PSD3: variants seen among roughly 807,000 people sequenced by gnomAD.
The protein encoded by PSD3 is pleckstrin and Sec7 domain containing 3.
PSD3 carries 49 observed loss-of-function variants against 105.5 expected under a neutral mutation model. The ratio of observed to expected loss-of-function variants is 0.46; its 90% CI spans 0.37 to 0.59. The LOEUF (loss-of-function observed/expected upper bound fraction) is 0.59, where lower values mean the gene tolerates loss of function less well. Ranked by LOEUF, PSD3 falls within the 20% of genes least tolerant of loss-of-function variation. The pLI is 0.00. For missense variants in PSD3, 1,561 were observed against 1,263.8 expected (o/e 1.24, Z -3.57); for synonymous variants, 557 against 457.8 (o/e 1.22, Z -2.77).
At chr8:18,626,339 C>A (rs1806474947) in intron 11 of PSD3, among the ~76,000 whole-genome samples, 2 of 135,768 alleles carry the variant, frequency 1.5e-5, no homozygotes, top group African/African-American at 2.5e-5. Context: ...CCTTTCCATG[C>A]AGCTTTGATT....
intron 9 of PSD3, among the ~76,000 whole-genome samples, chr8:18,671,670 T>C (rs951865479): frequency 6.6e-6 from 1 of 151,990 alleles, no homozygotes; most frequent in African/African-American, 2.4e-5. Context: ...TCTCGCTTTG[T>C]CGCCCAGGCT....
At position 18,535,734 on chromosome 8, in the gene PSD3, A is replaced by G; in HGVS notation, c.*9T>C. ...TCCATGACCAGCACTTCCTGGCCGC[A>G]GATGGACTCTAAGTAACTTTTTGCT... On this transcript the variant is annotated 3_prime_UTR_variant, in exon 16 of 16. Transcript: ENST00000327040. 6 of 1,596,622 alleles carry G rather than the reference A, an allele frequency of 3.8e-6. No individual in the cohort carries two copies. Among genetic ancestry groups the G allele is most frequent in the Non-Finnish European group, 5.2e-6 (6 of 1,164,104 alleles).
chr8:18,846,983 A>C (rs1272092237), intron 4 of PSD3, among the ~76,000 whole-genome samples: 1 of 152,146 alleles, frequency 6.6e-6, no homozygotes, highest in Admixed American at 6.5e-5. Flanking sequence ...ATGCTCCCTT[A>C]ACTCTAAAGG....
At chr8:18,577,375 G>A (rs1339870256) in intron 12 of PSD3, among the ~76,000 whole-genome samples, 1 of 151,886 alleles carries the variant, frequency 6.6e-6, no homozygotes, top group Non-Finnish European at 1.5e-5. Flanking sequence ...TTTATTCTTT[G>A]AGGAATGAAT....
chr8:18,823,354 C>A (rs1313531526), intron 4 of PSD3, among the ~76,000 whole-genome samples: 1 of 152,108 alleles, frequency 6.6e-6, no homozygotes, highest in Non-Finnish European at 1.5e-5. Flanking sequence ...AAAATAAAAA[C>A]TAAACATCCT....
At chr8:18,847,871 A>C (rs1489880428) in intron 4 of PSD3, among the ~76,000 whole-genome samples, 2 of 152,176 alleles carry the variant, frequency 1.3e-5, no homozygotes, top group Non-Finnish European at 2.9e-5. Context: ...GTCCTCCTCC[A>C]TGAATGGCTA....
At chr8:18,756,002 C>G (rs1016929193) in intron 9 of PSD3, among the ~76,000 whole-genome samples, 10 of 152,098 alleles carry the variant, frequency 6.6e-5, no homozygotes, top group Non-Finnish European at 1.3e-4. Context: ...ATTTACTTTA[C>G]TGAAAAAAGC....
chr8:19,052,447 G>T (rs1462908737), intron 1 of PSD3, among the ~76,000 whole-genome samples: 1 of 147,730 alleles, frequency 6.8e-6, no homozygotes, highest in African/African-American at 2.5e-5. Context: ...ACTCCAGCCT[G>T]GTGACAGAGC....
At chr8:18,666,431 G>T (rs553505304) in intron 9 of PSD3, among the ~76,000 whole-genome samples, 25 of 152,308 alleles carry the variant, frequency 1.6e-4, no homozygotes, top group African/African-American at 6.0e-4. Flanking sequence ...TTTTATTGCT[G>T]TGGTCTAGAA....
intron 1 of PSD3, among the ~76,000 whole-genome samples, chr8:18,966,613 A>G (rs1292451512): frequency 6.6e-6 from 1 of 151,388 alleles, no homozygotes; most frequent in African/African-American, 2.4e-5. Context: ...AGTCATTTTT[A>G]AAAATACTTC....
At chr8:18,630,069 C>T (rs147445772) in intron 11 of PSD3, among the ~76,000 whole-genome samples, 1 of 151,730 alleles carries the variant, frequency 6.6e-6, no homozygotes, top group African/African-American at 2.4e-5. Flanking sequence ...AGGAAAGAAG[C>T]CTGGAGATGG....
intron 15 of PSD3, among the ~76,000 whole-genome samples, chr8:18,547,239 G>A (rs964862560): frequency 1.3e-5 from 2 of 152,162 alleles, no homozygotes; most frequent in Non-Finnish European, 2.9e-5. Flanking sequence ...TTTCAAGGTG[G>A]TGCCATATCA....
At chr8:18,950,816 A>G (rs1371316757) in intron 1 of PSD3, among the ~76,000 whole-genome samples, 1 of 152,134 alleles carries the variant, frequency 6.6e-6, no homozygotes, top group Non-Finnish European at 1.5e-5. Flanking sequence ...GTGCCTTGAC[A>G]AGAGTTTATC....
intron 15 of PSD3, among the ~76,000 whole-genome samples, chr8:18,550,210 A>T (rs1800679356): frequency 6.6e-6 from 1 of 152,214 alleles, no homozygotes; most frequent in East Asian, 1.9e-4. Flanking sequence ...CTTCTCAGGA[A>T]TGGCCCTAAT....
chr8:18,770,082 C>T (rs1344267606), intron 8 of PSD3, among the ~76,000 whole-genome samples: 4 of 152,198 alleles, frequency 2.6e-5, no homozygotes, highest in African/African-American at 9.6e-5. Flanking sequence ...TGCACCATTT[C>T]ACATTCCCAC....
intron 12 of PSD3, among the ~76,000 whole-genome samples, chr8:18,584,444 G>A (rs1290018935): frequency 5.3e-5 from 8 of 152,208 alleles, no homozygotes; most frequent in Admixed American, 5.2e-4. Flanking sequence ...AAAAATATTA[G>A]CTTGGCTAGT....
chr8:18,551,509 G>A (rs1013235223), intron 15 of PSD3, among the ~76,000 whole-genome samples: 6 of 152,176 alleles, frequency 3.9e-5, no homozygotes, highest in Non-Finnish European at 8.8e-5. Flanking sequence ...CATGCTTCAA[G>A]AATGTCCTAG....
intron 1 of PSD3, among the ~76,000 whole-genome samples, chr8:19,066,302 G>C (rs1829073826): frequency 6.6e-6 from 1 of 152,190 alleles, no homozygotes; most frequent in African/African-American, 2.4e-5. Flanking sequence ...TCAGTTCTGA[G>C]AAAATTTTTC....
intron 2 of PSD3, among the ~76,000 whole-genome samples, chr8:18,909,462 T>C (rs1167272749): frequency 6.6e-6 from 1 of 152,104 alleles, no homozygotes; most frequent in Non-Finnish European, 1.5e-5. Flanking sequence ...TGTATTTTTC[T>C]TCTTCTTATT....
Sources: gnomAD v4.1 joint callset for allele counts (sites outside exome capture counted in the v4.1 genomes callset) on GRCh38, gnomAD v4.1.1 for gene constraint, MANE v1.5 for transcripts, NCBI Gene and HGNC (gene_info 2026-07-23, HGNC 2026-07-21) for gene names.